TRIO: variants seen among roughly 807,000 people sequenced by gnomAD.
TRIO encodes the protein trio Rho guanine nucleotide exchange factor, also known as triple functional domain protein.
Under a neutral mutation model 351.9 loss-of-function variants are expected in TRIO, and 58 were observed. That is an observed-to-expected ratio of 0.16 (90% CI 0.13 to 0.21). The LOEUF (loss-of-function observed/expected upper bound fraction) is 0.21, where lower values mean the gene tolerates loss of function less well. Ranked by LOEUF, TRIO falls within the 10% of genes least tolerant of loss-of-function variation. The pLI is 1.00. For synonymous variants in TRIO, 1,758 were observed against 1,595.7 expected (o/e 1.10, Z -2.42); for missense variants, 3,201 against 4,027.8 (o/e 0.79, Z 5.56).
At chr5:14,379,373 T>C (rs2152352141) in intron 20 of TRIO, among the ~76,000 whole-genome samples, 1 of 152,324 alleles carries the variant, frequency 6.6e-6, no homozygotes, top group East Asian at 1.9e-4. Flanking sequence ...CTTGTTCCAA[T>C]CTGAAAAATG....
At chr5:14,147,030 G>A (rs1787560917) in intron 1 of TRIO, among the ~76,000 whole-genome samples, 1 of 152,210 alleles carries the variant, frequency 6.6e-6, no homozygotes, top group Admixed American at 6.5e-5. Context: ...TGTGAGTCAA[G>A]TCCTGGTGCT....
At chr5:14,187,674 T>C (rs1428937803) in intron 1 of TRIO, among the ~76,000 whole-genome samples, 2 of 152,264 alleles carry the variant, frequency 1.3e-5, no homozygotes, top group African/African-American at 2.4e-5. Context: ...TTTAAGTAGA[T>C]GCCACATAAA....
intron 1 of TRIO, among the ~76,000 whole-genome samples, chr5:14,239,264 A>G (rs1454519254): frequency 2.6e-5 from 4 of 151,620 alleles, no homozygotes; most frequent in Admixed American, 6.6e-5. Context: ...TAAGGACTCA[A>G]CCTCCCCTCC....
Position 14,143,498 on chromosome 5 carries a change from C to G in TRIO, c.-228C>G, listed in dbSNP as rs1787295370. The stretch of plus-strand genomic sequence containing the variant: ...CCCGGGAGGCCGTGGCTCCGCGCCT[C>G]CGCCCCTCGGCCAGCTCGCGGCTAC... On this transcript the variant is annotated 5_prime_UTR_variant, in exon 1 of 57. Coordinates refer to ENST00000344204, the MANE Select transcript of TRIO (RefSeq NM_007118.4). Among the ~76,000 whole-genome samples the G allele has an allele frequency of 6.7e-6, 1 of 148,154 alleles. No individual in the cohort carries two copies. Among genetic ancestry groups the G allele is most frequent in the Admixed American group, 6.7e-5 (1 of 14,920 alleles).
chr5:14,297,176 G>T lies in TRIO; in HGVS notation c.1281G>T (p.Glu427Asp). The change falls in exon 7 of 57, where the codon GAG becomes GAT. Residue 427 changes from glutamate to aspartate, a missense_variant. Glu to Asp is a conservative substitution (Grantham distance 45, BLOSUM62 2). Around this residue, in one of 19 missense-constraint regions of TRIO, gnomAD observed 349 missense variants for 449.3 expected, o/e 0.78. Transcript: ENST00000344204. Reference protein sequence around the residue: ...QQIRQIASQLEQEWKAFAAAL... With the variant: ...QQIRQIASQLDQEWKAFAAAL... ...TCAGGCAGATCGCGAGTCAGCTGGA[G>T]CAGGAGTGGAAGGCGTTTGCGGCAG... 6.2e-7 allele frequency: 1 copy of T among 1,614,224 alleles called. No homozygotes were observed. The highest frequency in any genetic ancestry group is 8.5e-7 in the Non-Finnish European group (1 of 1,180,044).
At chr5:14,313,546 G>T (rs1413737839) in intron 8 of TRIO, among the ~76,000 whole-genome samples, 11 of 152,200 alleles carry the variant, frequency 7.2e-5, no homozygotes, top group African/African-American at 2.2e-4. Flanking sequence ...GGTGGTTTAA[G>T]TTGCAAAACA....
Position 14,429,068 on chromosome 5 carries a change from G to A in TRIO, c.5203+9047G>A, listed in dbSNP as rs114251316. Among the ~76,000 whole-genome samples, 617 of 152,360 alleles carry A rather than the reference G, an allele frequency of 4.0e-3. 6 individuals carry two copies. The highest frequency in any genetic ancestry group is 0.014 in the African/African-American group (580 of 41,580). ...TTCACTCTAGTTAGCATTTGCAGAA[G>A]CTGTGAAAAATTACAGAGAGATGAT... On this transcript the variant is annotated intron_variant, in intron 34 of 56. Coordinates refer to ENST00000344204, the MANE Select transcript of TRIO (RefSeq NM_007118.4).
rs545958054 is a variant in TRIO, at chr5:14,425,771, C to T, written c.5203+5750C>T. ...GGCCCAGGGAGCCCTTTTGTCCTTC[C>T]GCCATGTGAGGGCACAGAAGGCACC... On this transcript the variant is annotated intron_variant, in intron 34 of 56. Transcript: ENST00000344204. 8.5e-5 allele frequency among the ~76,000 whole-genome samples: 13 copies of T among 152,262 alleles called. 1 individual carries two copies. In the South Asian group the frequency reaches 2.5e-3, roughly 29 times the overall value.
chr5:14,271,282 G>T (rs1032307778), intron 2 of TRIO, among the ~76,000 whole-genome samples: 11 of 152,220 alleles, frequency 7.2e-5, no homozygotes, highest in Non-Finnish European at 1.2e-4. Flanking sequence ...CTCGTACTCT[G>T]TACCTGCCTC....
intron 1 of TRIO, among the ~76,000 whole-genome samples, chr5:14,251,674 T>C (rs1286488017): frequency 2.0e-5 from 3 of 152,116 alleles, no homozygotes; most frequent in Non-Finnish European, 4.4e-5. Context: ...CGTCTTTTCG[T>C]TTATTGAGCC....
chr5:14,272,465 G>A (rs956805361), intron 2 of TRIO, among the ~76,000 whole-genome samples: 1 of 152,076 alleles, frequency 6.6e-6, no homozygotes, highest in African/African-American at 2.4e-5. Flanking sequence ...ATATATTATC[G>A]GCTGACATTT....
chr5:14,234,757 T>C (rs1024232743), intron 1 of TRIO, among the ~76,000 whole-genome samples: 3 of 152,210 alleles, frequency 2.0e-5, no homozygotes, highest in Admixed American at 1.3e-4. Context: ...GAGAAATGCC[T>C]AAATTGCCAC....
intron 33 of TRIO, among the ~76,000 whole-genome samples, chr5:14,414,514 G>A (rs561090791): frequency 2.0e-5 from 3 of 152,280 alleles, no homozygotes; most frequent in East Asian, 3.9e-4. Context: ...AGAGGGACTG[G>A]CATCCTCAAA....
chr5:14,324,424 G>T (rs1018767347), intron 9 of TRIO, among the ~76,000 whole-genome samples: 2 of 152,192 alleles, frequency 1.3e-5, no homozygotes, highest in Non-Finnish European at 2.9e-5. Context: ...AGTGGCTACA[G>T]TTGACAGATG....
chr5:14,374,381 C>A (rs780626393), intron 19 of TRIO, 38 bp downstream of exon 19: 2 of 1,537,652 alleles, frequency 1.3e-6, no homozygotes, highest in Non-Finnish European at 1.8e-6. Context: ...TGGCCCAGTG[C>A]ATGCCTGGCA....
chr5:14,225,379 C>T (rs931382647), intron 1 of TRIO, among the ~76,000 whole-genome samples: 9 of 152,128 alleles, frequency 5.9e-5, no homozygotes, highest in Non-Finnish European at 1.2e-4. Flanking sequence ...CTTACTCCAC[C>T]GTTTCTGTAG....
chr5:14,357,992 C>T (rs549495760), intron 11 of TRIO, among the ~76,000 whole-genome samples, 186 bp from the exon 12 acceptor site: 1 of 152,266 alleles, frequency 6.6e-6, no homozygotes, highest in East Asian at 1.9e-4. Flanking sequence ...GCATGTGTTC[C>T]GCTGGCAGTG....
intron 1 of TRIO, among the ~76,000 whole-genome samples, chr5:14,258,044 C>A (rs937499039): frequency 1.3e-5 from 2 of 152,124 alleles, no homozygotes; most frequent in South Asian, 2.1e-4. Flanking sequence ...ACAGTCACCC[C>A]CCCTGGGAGG....
chr5:14,363,001 C>CTTT (rs34314596), intron 13 of TRIO, among the ~76,000 whole-genome samples: 7 of 136,062 alleles, frequency 5.1e-5, no homozygotes, highest in Admixed American at 7.4e-5. Context: ...TTTCTATCTA[C>CTTT]TTTTTTTTTT....
Sources: allele counts gnomAD v4.1 joint callset (sites outside exome capture counted in the v4.1 genomes callset), GRCh38; gene constraint gnomAD v4.1.1; regional missense constraint gnomAD v4.1.1; transcripts MANE v1.5; gene names NCBI Gene and HGNC (gene_info 2026-07-23, HGNC 2026-07-21).